DOK6: variants seen among roughly 807,000 people sequenced by gnomAD.
DOK6 encodes downstream of tyrosine kinase 6.
DOK6 carries 22 observed loss-of-function variants against 44.0 expected under a neutral mutation model. The observed-to-expected ratio is 0.50, with a 90% CI of 0.36 to 0.71. DOK6 has a LOEUF of 0.71. Among genes scored for constraint, DOK6 ranks in the 30% least tolerant of loss-of-function variants. The probability of loss-of-function intolerance (pLI) is 0.00; values close to 1 mark genes in which losing one functional copy is unlikely to be tolerated. For synonymous variants in DOK6, 166 were observed against 145.5 expected (o/e 1.14, Z -1.01); for missense variants, 340 against 416.4 (o/e 0.82, Z 1.60).
At chr18:69,699,740 A>G (rs1164993627) in intron 5 of DOK6, among the ~76,000 whole-genome samples, 1 of 152,232 alleles carries the variant, frequency 6.6e-6, no homozygotes, top group African/African-American at 2.4e-5. Context: ...TATTTTAAAA[A>G]TTATGACTAT....
intron 7 of DOK6, among the ~76,000 whole-genome samples, chr18:69,793,560 T>C (rs1359515084): frequency 6.6e-6 from 1 of 152,166 alleles, no homozygotes; most frequent in East Asian, 1.9e-4. Context: ...TAATGTTTTA[T>C]TTTAAATACA....
At chr18:69,495,077 C>T (rs1056857851) in intron 1 of DOK6, among the ~76,000 whole-genome samples, 4 of 152,228 alleles carry the variant, frequency 2.6e-5, no homozygotes, top group African/African-American at 9.6e-5. Context: ...TGGGCACCTC[C>T]AGGTGCTGGA....
chr18:69,523,225 G>A (rs1019893883), intron 1 of DOK6, among the ~76,000 whole-genome samples: 24 of 151,992 alleles, frequency 1.6e-4, no homozygotes, highest in Non-Finnish European at 1.3e-4. Flanking sequence ...CATCTTCCAC[G>A]GATGACAGAG....
At chr18:69,458,862 C>T (rs1156830326) in intron 1 of DOK6, among the ~76,000 whole-genome samples, 1 of 152,164 alleles carries the variant, frequency 6.6e-6, no homozygotes, top group South Asian at 2.1e-4. Flanking sequence ...GCAGCCAGGG[C>T]GGGTGGATCA....
At chr18:69,763,269 G>A (rs1326177825) in intron 7 of DOK6, among the ~76,000 whole-genome samples, 2 of 152,284 alleles carry the variant, frequency 1.3e-5, no homozygotes, top group African/African-American at 2.4e-5. Flanking sequence ...TGCAGAAGTG[G>A]CAAACAGACA....
At chr18:69,803,848 G>A (rs2145108727) in intron 7 of DOK6, among the ~76,000 whole-genome samples, 1 of 152,122 alleles carries the variant, frequency 6.6e-6, no homozygotes, top group South Asian at 2.1e-4. Context: ...ACAGAGCAAG[G>A]CTCCGTCTCA....
At chr18:69,484,675 A>T (rs1980523788) in intron 1 of DOK6, among the ~76,000 whole-genome samples, 1 of 152,118 alleles carries the variant, frequency 6.6e-6, no homozygotes, top group African/African-American at 2.4e-5. Context: ...TGTAATACAT[A>T]TTCTTGATTC....
At chr18:69,767,475 T>G (rs12607362) in intron 7 of DOK6, among the ~76,000 whole-genome samples, 152,156 of 152,156 alleles carry the variant, frequency 1, 76,078 homozygotes, top group Non-Finnish European at 1. Flanking sequence ...AGGCAAACTA[T>G]AGCCTCTTTT....
At position 69,847,675 on chromosome 18, in the gene DOK6, A is replaced by G. The variant is rs1037673937; in HGVS notation, c.*6292A>G. 5 of 152,126 alleles carry G rather than the reference A, an allele frequency of 3.3e-5. No homozygotes were observed. Among genetic ancestry groups the G allele is most frequent in the African/African-American group, 4.8e-5 (2 of 41,414 alleles). The allele number at this position is 152,126 out of a possible 1,614,324, so 9.4% of individuals were successfully genotyped here. A position where few individuals can be genotyped will look rare whatever the true frequency, so the allele number is the denominator to read the frequency against. On this transcript the variant is annotated 3_prime_UTR_variant, in exon 8 of 8. Transcript: ENST00000382713. ...TGATATTAAATTTGCATCAGAAATG[A>G]GCAAAATATGTCAATATGAAATAAT...
chr18:69,471,273 AAAAAAAG>A (rs1980097588), intron 1 of DOK6, among the ~76,000 whole-genome samples: 1 of 149,936 alleles, frequency 6.7e-6, no homozygotes. Context: ...AAAAAAAAAA[AAAAAAAG>A]GGGTGATTTC....
At chr18:69,463,479 A>G (rs375361375) in intron 1 of DOK6, among the ~76,000 whole-genome samples, 3 of 152,108 alleles carry the variant, frequency 2.0e-5, no homozygotes, top group Admixed American at 1.3e-4. Context: ...CCTCTTCCAT[A>G]TCATCTCCCC....
At chr18:69,617,770 G>GAAC (rs1984347117) in intron 3 of DOK6, among the ~76,000 whole-genome samples, 1 of 99,084 alleles carries the variant, frequency 1.0e-5, no homozygotes, top group Admixed American at 1.1e-4. Context: ...AGGAAGGAAG[G>GAAC]AACGGAGGGA....
At chr18:69,687,934 C>T (rs138096488) in intron 4 of DOK6, among the ~76,000 whole-genome samples, 94 of 152,106 alleles carry the variant, frequency 6.2e-4, no homozygotes, top group African/African-American at 2.1e-3. Flanking sequence ...ATTGTGTACT[C>T]GGAAAACCCT....
intron 3 of DOK6, among the ~76,000 whole-genome samples, chr18:69,664,577 C>T (rs1029665116): frequency 6.6e-6 from 1 of 152,176 alleles, no homozygotes; most frequent in Non-Finnish European, 1.5e-5. Context: ...TAGCGGCCCT[C>T]TTCTTGGAAA....
At position 69,439,448 on chromosome 18, in the gene DOK6, G is replaced by C. The variant is rs572020647; in HGVS notation, c.66+38138G>C. Among the ~76,000 whole-genome samples the C allele has an allele frequency of 3.9e-5, 6 of 152,298 alleles. No homozygotes were observed. In the East Asian group the frequency reaches 1.2e-3, roughly 29 times the overall value. ...TCTCCTTTCTAGATATGAAAGTCCTGAATGGCATCTTCTTCCAGCAGAAGG... is the reference window on the plus strand; with the variant it reads ...TCTCCTTTCTAGATATGAAAGTCCTCAATGGCATCTTCTTCCAGCAGAAGG... On this transcript the variant is annotated intron_variant, in intron 1 of 7. Coordinates refer to ENST00000382713, the MANE Select transcript of DOK6 (RefSeq NM_152721.6).
chr18:69,832,170 T>TA (rs1435264937), intron 7 of DOK6, among the ~76,000 whole-genome samples: 1 of 152,186 alleles, frequency 6.6e-6, no homozygotes, highest in Non-Finnish European at 1.5e-5. Flanking sequence ...TGTGGGTTTG[T>TA]AAAAAATAGC....
chr18:69,622,143 T>C (rs1324497296), intron 3 of DOK6, among the ~76,000 whole-genome samples: 2 of 152,208 alleles, frequency 1.3e-5, no homozygotes, highest in African/African-American at 4.8e-5. Flanking sequence ...GGAAATCCTG[T>C]TTAATTTTCC....
chr18:69,759,982 A>G (rs146685511), intron 7 of DOK6, among the ~76,000 whole-genome samples: 8 of 152,326 alleles, frequency 5.3e-5, no homozygotes, highest in African/African-American at 1.7e-4. Context: ...TCTTAGAGCA[A>G]TACGTTTTAC....
At chr18:69,663,859 G>T (rs1406823131) in intron 3 of DOK6, among the ~76,000 whole-genome samples, 1 of 152,294 alleles carries the variant, frequency 6.6e-6, no homozygotes, top group East Asian at 1.9e-4. Context: ...TTGTTCTCAA[G>T]TGGTAGCTTT....
Sources: gnomAD v4.1 joint callset for allele counts (sites outside exome capture counted in the v4.1 genomes callset) on GRCh38, gnomAD v4.1.1 for gene constraint, MANE v1.5 for transcripts, NCBI Gene and HGNC (gene_info 2026-07-23, HGNC 2026-07-21) for gene names.